The following MPZL1 variants were observed in gnomAD, a reference collection of about 807,000 sequenced individuals.
MPZL1 encodes myelin protein zero like 1.
In MPZL1, 16 loss-of-function variants were observed where a neutral mutation model predicts 29.3. The observed-to-expected ratio is 0.55, with a 90% CI of 0.37 to 0.83. The LOEUF (loss-of-function observed/expected upper bound fraction) is 0.83. Among genes scored for constraint, MPZL1 ranks in the 40% least tolerant of loss-of-function variants. MPZL1 has a pLI of 0.00. For missense variants in MPZL1, 279 were observed against 332.9 expected (o/e 0.84, Z 1.26); for synonymous variants, 143 against 132.0 (o/e 1.08, Z -0.57).
intron 1 of MPZL1, among the ~76,000 whole-genome samples, chr1:167,751,392 G>A (rs1193893145): frequency 3.9e-5 from 6 of 152,178 alleles, no homozygotes; most frequent in African/African-American, 1.4e-4. Flanking sequence ...TGTATGCGCC[G>A]GGCGCGGTGG....
intron 2 of MPZL1, among the ~76,000 whole-genome samples, chr1:167,768,149 G>C (rs535148723): frequency 6.6e-6 from 1 of 152,104 alleles, no homozygotes; most frequent in Admixed American, 6.5e-5. Flanking sequence ...TCTTAGAACA[G>C]CTCTTTCACC....
Position 167,790,807 on chromosome 1 carries a change from C to A in MPZL1, c.*2886C>A, listed in dbSNP as rs1011301871. 3 of 152,172 alleles carry A rather than the reference C, an allele frequency of 2.0e-5. No individual in the cohort carries two copies. The highest frequency in any genetic ancestry group is 7.2e-5 in the African/African-American group (3 of 41,428). 9.4% of individuals were successfully genotyped at this position (152,172 alleles called of 1,614,324 possible). A position where few individuals can be genotyped will look rare whatever the true frequency, so the allele number is the denominator to read the frequency against. On this transcript the variant is annotated 3_prime_UTR_variant, in exon 6 of 6. Transcript: ENST00000359523. ...TATTTTTGTGAATATTTTAATACAT[C>A]TTTTTCAATTTCTGAATTGTGTTGT...
intron 1 of MPZL1, among the ~76,000 whole-genome samples, chr1:167,738,219 T>C (rs1660419196): frequency 6.6e-6 from 1 of 152,032 alleles, no homozygotes; most frequent in African/African-American, 2.4e-5. Flanking sequence ...CCACCGCGCC[T>C]GGCCAAGATT....
At chr1:167,763,523 GA>G (rs1293907742) in intron 1 of MPZL1, among the ~76,000 whole-genome samples, 1 of 150,842 alleles carries the variant, frequency 6.6e-6, no homozygotes, top group Non-Finnish European at 1.5e-5. Flanking sequence ...AAGAAAGAAA[GA>G]AAAGAAAATC....
intron 2 of MPZL1, among the ~76,000 whole-genome samples, chr1:167,771,462 C>T (rs1209528464): frequency 2.0e-5 from 3 of 152,112 alleles, no homozygotes; most frequent in Non-Finnish European, 4.4e-5. Flanking sequence ...TTCTTTTTGA[C>T]AAAACCGCCA....
intron 1 of MPZL1, among the ~76,000 whole-genome samples, chr1:167,761,094 A>G (rs1660977048): frequency 2.0e-5 from 3 of 152,242 alleles, no homozygotes; most frequent in South Asian, 2.1e-4. Flanking sequence ...AACAGTTTCT[A>G]TGGAGTAACG....
chr1:167,772,385 A>C lies in MPZL1; in HGVS notation c.369A>C (p.Glu123Asp), dbSNP rs1315841327. 2 of 1,613,864 alleles carry C rather than the reference A, an allele frequency of 1.2e-6. No homozygotes were observed. The highest frequency in any genetic ancestry group is 2.7e-5 in the African/African-American group (2 of 74,882). ...AGAAAGATGCATCAATCAACATAGAAAATATGCAGTTTATACACAATGGCA... is the reference window on the plus strand; with the variant it reads ...AGAAAGATGCATCAATCAACATAGACAATATGCAGTTTATACACAATGGCA... ...LDKKDASINIENMQFIHNGTY... is the reference protein window; with the variant it reads ...LDKKDASINIDNMQFIHNGTY... Residue 123 changes from glutamate to aspartate, a missense_variant, in exon 3 of 6, where the codon GAA (glutamate) becomes GAC (aspartate). Glu to Asp is a conservative substitution (Grantham distance 45, BLOSUM62 2). Transcript: ENST00000359523.
chr1:167,767,236 A>T (rs1661132916), intron 2 of MPZL1, among the ~76,000 whole-genome samples: 1 of 152,236 alleles, frequency 6.6e-6, no homozygotes, highest in Non-Finnish European at 1.5e-5. Flanking sequence ...TCTCTGCTTC[A>T]CGTAAATATG....
intron 1 of MPZL1, among the ~76,000 whole-genome samples, chr1:167,733,817 ATTGT>A (rs957309546): frequency 1.1e-4 from 17 of 151,712 alleles, no homozygotes; most frequent in Non-Finnish European, 2.4e-4. Context: ...AGGCAGGAAG[ATTGT>A]TTGAGCCCAA....
At chr1:167,767,545 G>A (rs1294494038) in intron 2 of MPZL1, among the ~76,000 whole-genome samples, 1 of 152,166 alleles carries the variant, frequency 6.6e-6, no homozygotes, top group South Asian at 2.1e-4. Flanking sequence ...ACTTACACAC[G>A]AGTCTGATTG....
At chr1:167,778,604 A>G (rs1661422241) in intron 5 of MPZL1, among the ~76,000 whole-genome samples, 1 of 151,982 alleles carries the variant, frequency 6.6e-6, no homozygotes, top group African/African-American at 2.4e-5. Flanking sequence ...ATTAATTACA[A>G]TAAAAAATCA....
At chr1:167,735,814 G>A (rs1253435200) in intron 1 of MPZL1, among the ~76,000 whole-genome samples, 1 of 152,028 alleles carries the variant, frequency 6.6e-6, no homozygotes, top group Non-Finnish European at 1.5e-5. Context: ...TCCCCCAATT[G>A]TAATATTAAT....
chr1:167,757,440 G>C (rs932616921), intron 1 of MPZL1, among the ~76,000 whole-genome samples: 1 of 152,280 alleles, frequency 6.6e-6, no homozygotes, highest in East Asian at 1.9e-4. Flanking sequence ...ATATACCAAA[G>C]AGTGTATGTG....
At chr1:167,781,879 ATTGGACC>A (rs893537314) in intron 5 of MPZL1, among the ~76,000 whole-genome samples, 2 of 152,032 alleles carry the variant, frequency 1.3e-5, no homozygotes, top group Non-Finnish European at 2.9e-5. Context: ...TTGTAATTTC[ATTGGACC>A]TCCTGAGTCT....
rs142735758 is a variant in MPZL1, at chr1:167,789,426, G to A, written c.*1505G>A. 0.014 allele frequency: 2,109 copies of A among 152,258 alleles called. 24 individuals carry two copies. The highest frequency in any genetic ancestry group is 0.018 in the Non-Finnish European group (1,210 of 68,052). 9.4% of individuals were successfully genotyped at this position (152,258 alleles called of 1,614,324 possible). ...TTACTTTTTCTCCCTGTAGTTTGGA[G>A]TCCATTATGAGCTGCTGCTTTTTCT... On this transcript the variant is annotated 3_prime_UTR_variant, in exon 6 of 6. Coordinates refer to ENST00000359523, the MANE Select transcript of MPZL1 (RefSeq NM_003953.6).
Position 167,741,617 on chromosome 1 carries a change from G to C in MPZL1, c.91+19375G>C, listed in dbSNP as rs1490412329. On this transcript the variant is annotated intron_variant, in intron 1 of 5. Transcript: ENST00000359523. ...TGGGATTACAGGCATGAGCCACTGT[G>C]CCTGGCCTGCAGTCACTTCTTAACT... 5.9e-5 allele frequency among the ~76,000 whole-genome samples: 9 copies of C among 152,178 alleles called. No individual in the cohort carries two copies. In the East Asian group the frequency reaches 1.7e-3, roughly 29 times the overall value.
intron 1 of MPZL1, among the ~76,000 whole-genome samples, chr1:167,758,403 C>G (rs748841578): frequency 6.6e-6 from 1 of 152,126 alleles, no homozygotes; most frequent in Non-Finnish European, 1.5e-5. Flanking sequence ...ATTATTTACT[C>G]TATTGTTTCA....
At chr1:167,766,557 T>C (rs535834172) in intron 2 of MPZL1, among the ~76,000 whole-genome samples, 1 of 152,362 alleles carries the variant, frequency 6.6e-6, no homozygotes, top group East Asian at 1.9e-4. Flanking sequence ...CTTCATATAT[T>C]GGCACATATT....
At chr1:167,732,368 T>C (rs999741541) in intron 1 of MPZL1, among the ~76,000 whole-genome samples, 2 of 152,174 alleles carry the variant, frequency 1.3e-5, no homozygotes, top group African/African-American at 4.8e-5. Flanking sequence ...CACTCCAGCC[T>C]GGACAACAGA....
Sources: gnomAD v4.1 joint callset for allele counts (sites outside exome capture counted in the v4.1 genomes callset) on GRCh38, gnomAD v4.1.1 for gene constraint, MANE v1.5 for transcripts, NCBI Gene and HGNC (gene_info 2026-07-23, HGNC 2026-07-21) for gene names.